The following PIP5K1A variants were observed in gnomAD, a reference collection of about 807,000 sequenced individuals.
PIP5K1A encodes the protein phosphatidylinositol 4-phosphate 5-kinase type-1 alpha.
A neutral mutation model predicts 72.9 loss-of-function variants in PIP5K1A; 46 were observed. That is an observed-to-expected ratio of 0.63 (90% CI 0.50 to 0.81). The LOEUF (loss-of-function observed/expected upper bound fraction) is 0.81, where lower values mean the gene tolerates loss of function less well. Ranked by LOEUF, PIP5K1A falls within the 30% of genes least tolerant of loss-of-function variation. The pLI is 0.00. For missense variants in PIP5K1A, 458 were observed against 706.1 expected, an observed-to-expected ratio of 0.65 and a Z score of 3.98; for synonymous variants, 228 against 255.1, an observed-to-expected ratio of 0.89 and a Z score of 1.01.
intron 10 of PIP5K1A, 96 bp from the exon 11 acceptor site, chr1:151,239,034 G>A (rs1691275114): frequency 4.7e-6 from 4 of 849,344 alleles, no homozygotes; most frequent in Non-Finnish European, 7.8e-6. Flanking sequence ...GTCTTTTCAA[G>A]ATTTTCTATT....
chr1:151,233,368 A>G (rs928219153), intron 7 of PIP5K1A: 2 of 152,024 alleles, frequency 1.3e-5, no homozygotes, highest in Admixed American at 6.6e-5. Flanking sequence ...CAGTTGCACA[A>G]TCTCGGCTCA....
At chr1:151,216,452 C>T (rs1687633557) in intron 1 of PIP5K1A, among the ~76,000 whole-genome samples, 3 of 151,974 alleles carry the variant, frequency 2.0e-5, no homozygotes, top group Admixed American at 1.3e-4. Context: ...GACGCTGGCT[C>T]CCATATCTCA....
At chr1:151,218,338 T>G (rs1476581091) in intron 1 of PIP5K1A, among the ~76,000 whole-genome samples, 2 of 152,196 alleles carry the variant, frequency 1.3e-5, no homozygotes, top group Non-Finnish European at 2.9e-5. Context: ...TGAGAGGACC[T>G]GAAGGAGGAC....
intron 1 of PIP5K1A, among the ~76,000 whole-genome samples, chr1:151,216,538 G>C (rs1377447137): frequency 6.6e-6 from 1 of 151,988 alleles, no homozygotes; most frequent in Admixed American, 6.6e-5. Flanking sequence ...TTATGAATCA[G>C]TGACTACCTT....
At chr1:151,236,821 C>CTT (rs369523470) in intron 9 of PIP5K1A, 58 bp downstream of exon 9, 138,156 of 478,848 alleles carry the variant, frequency 0.29, 12,613 homozygotes, top group African/African-American at 0.4. Context: ...CTTTTCTTTT[C>CTT]TTTTTTTTTT....
At chr1:151,195,644 G>A (rs1684537957), upstream of PIP5K1A, among the ~76,000 whole-genome samples, 1 of 151,690 alleles carries the variant, frequency 6.6e-6, no homozygotes, top group South Asian at 2.1e-4. Flanking sequence ...CCAGCTACTC[G>A]GGAGGCTGAG....
rs1231672464 is a variant in PIP5K1A at position 151,236,707 on chromosome 1, C to G, written c.1089C>G (p.Ala363=). The G allele has an allele frequency of 6.2e-7, 1 of 1,613,826 alleles. No homozygotes were observed. The highest frequency in any genetic ancestry group is 1.3e-5 in the African/African-American group (1 of 74,924). The change falls in exon 9 of 16, where the codon GCC becomes GCG. Residue 363 remains alanine (A), a synonymous_variant. Coordinates refer to ENST00000368888, the MANE Select transcript of PIP5K1A (RefSeq NM_001135638.2). ...CCCAAAAGGCTCTGTATTCCACAGC[C>G]ATGGAATCCATCCAGGGAGAGGCTC... The part of the protein sequence containing the change: ...PAPQKALYST[A]MESIQGEARR...
At chr1:151,203,837 GAAAAA>G (rs1273143281) in intron 1 of PIP5K1A, among the ~76,000 whole-genome samples, 1 of 149,444 alleles carries the variant, frequency 6.7e-6, no homozygotes. Context: ...AAAAAAAAAA[GAAAAA>G]AGAAAAGCAC....
At position 151,198,607 on chromosome 1, in the gene PIP5K1A, G is replaced by GT. The variant is rs1450127838; in HGVS notation, c.-389dup. On this transcript the variant is annotated 5_prime_UTR_variant, in exon 1 of 16. Transcript: ENST00000368888. ...GGCCGGGTTGGGCGATTAACAGGCC[G>GT]TGGTTAGGAAGGACGGAGAAGGGGC... 2 of 217,486 alleles carry GT rather than the reference G, an allele frequency of 9.2e-6. No individual in the cohort carries two copies. The highest frequency in any genetic ancestry group is 4.6e-5 in the African/African-American group (2 of 43,294). 13.5% of individuals were successfully genotyped at this position (217,486 alleles called of 1,614,324 possible).
At chr1:151,238,534 A>G (rs1295527053) in intron 10 of PIP5K1A, 1 of 422,662 alleles carries the variant, frequency 2.4e-6, no homozygotes, top group African/African-American at 2.0e-5. Context: ...CCAGGGTAGA[A>G]TATGCCATCT....
Position 151,239,959 on chromosome 1 carries a change from C to T in PIP5K1A, c.1283C>T (p.Thr428Ile). The T allele has an allele frequency of 6.2e-7, 1 of 1,611,410 alleles. No individual in the cohort carries two copies. The highest frequency in any genetic ancestry group is 8.5e-7 in the Non-Finnish European group (1 of 1,177,744). Residue 428 changes from threonine to isoleucine, a missense_variant, in exon 12 of 16, where the codon ACT (threonine) becomes ATT (isoleucine). Transcript: ENST00000368888. ...SWKALVHDGD[T>I]VSVHRPGFYA... Reference sequence around the variant, plus strand: ...AGCATTTCTTCTGCTCTGCAGGACACTGTCTCAGTGCATCGCCCAGGCTTC... The same window carrying T: ...AGCATTTCTTCTGCTCTGCAGGACATTGTCTCAGTGCATCGCCCAGGCTTC...
In PIP5K1A at chr1:151,241,458, G is replaced by C. The variant is rs587708233; in HGVS notation, c.1364-665G>C. Among the ~76,000 whole-genome samples, 1,038 of 149,602 alleles carry C rather than the reference G, an allele frequency of 6.9e-3. 5 individuals are homozygous for C. The highest frequency in any genetic ancestry group is 0.011 in the Non-Finnish European group (726 of 66,934). ...GGCGGAGCTTGCAGTGAGCCAAGAT[G>C]GCACCACTGCACTCCAGCCTGGGCG... On this transcript the variant is annotated intron_variant, in intron 12 of 15. Transcript: ENST00000368888.
rs1312260205 is a variant in PIP5K1A, at chr1:151,236,775, C to CAGGGCCACTAGGGGGGAGAACAT, written c.1145+16_1145+38dup. The CAGGGCCACTAGGGGGGAGAACAT allele has an allele frequency of 1.3e-6, 2 of 1,564,354 alleles. No individual in the cohort carries two copies. Among genetic ancestry groups the CAGGGCCACTAGGGGGGAGAACAT allele is most frequent in the African/African-American group, 1.4e-5 (1 of 73,192 alleles). On this transcript the variant is annotated intron_variant, in intron 9 of 15. Coordinates refer to ENST00000368888, the MANE Select transcript of PIP5K1A (RefSeq NM_001135638.2). ...GAGACTGATGACCAGTAAGTGGGCT[C>CAGGGCCACTAGGGGGGAGAACAT]AGGGCCACTAGGGGGGAGAACATAG...
At chr1:151,211,937 A>G (rs1235623630) in intron 1 of PIP5K1A, among the ~76,000 whole-genome samples, 3 of 151,806 alleles carry the variant, frequency 2.0e-5, no homozygotes, top group Non-Finnish European at 4.4e-5. Context: ...CCCCGTCTCT[A>G]CTAAAAACAA....
chr1:151,196,456 A>G (rs189059796), upstream of PIP5K1A, among the ~76,000 whole-genome samples: 2 of 152,228 alleles, frequency 1.3e-5, no homozygotes, highest in Non-Finnish European at 2.9e-5. Context: ...TCGGTGCCCA[A>G]AGGAAGACGA....
chr1:151,203,387 G>A (rs1685476656), intron 1 of PIP5K1A, among the ~76,000 whole-genome samples: 1 of 151,920 alleles, frequency 6.6e-6, no homozygotes, highest in African/African-American at 2.4e-5. Context: ...AAATTAGCCG[G>A]GTGTGGTGGC....
intron 5 of PIP5K1A, among the ~76,000 whole-genome samples, 182 bp downstream of exon 5, chr1:151,231,983 A>G (rs1280161223): frequency 2.6e-5 from 4 of 152,160 alleles, no homozygotes; most frequent in African/African-American, 9.7e-5. Flanking sequence ...AGATGCTTCC[A>G]TTAGCCTCTG....
At chr1:151,241,436 G>A (rs952538337) in intron 12 of PIP5K1A, among the ~76,000 whole-genome samples, 75 of 151,418 alleles carry the variant, frequency 5.0e-4, no homozygotes, top group African/African-American at 1.7e-3. Context: ...CCCGGGAGGC[G>A]GAGCTTGCAG....
intron 1 of PIP5K1A, among the ~76,000 whole-genome samples, chr1:151,201,113 C>T (rs1433870876): frequency 2.6e-5 from 4 of 152,166 alleles, no homozygotes; most frequent in Admixed American, 1.3e-4. Flanking sequence ...GGATTATAGG[C>T]GTGAGCCACC....
Sources: allele counts gnomAD v4.1 joint callset (sites outside exome capture counted in the v4.1 genomes callset), GRCh38; gene constraint gnomAD v4.1.1; transcripts MANE v1.5; gene names NCBI Gene and HGNC (gene_info 2026-07-23, HGNC 2026-07-21).